Variants in ABHD3 observed in about 807,000 individuals in gnomAD.
ABHD3 encodes the protein phospholipase ABHD3.
Under a neutral mutation model 48.8 loss-of-function variants are expected in ABHD3, and 46 were observed. The observed-to-expected ratio is 0.94, with a 90% CI of 0.74 to 1.20. The LOEUF is 1.20. Among genes scored for constraint, ABHD3 ranks in the 50% most tolerant of loss-of-function variants. ABHD3 has a pLI of 0.00. For synonymous variants in ABHD3, 192 were observed against 183.7 expected, an observed-to-expected ratio of 1.04 and a Z score of -0.36; for missense variants, 490 against 497.8, an observed-to-expected ratio of 0.98 and a Z score of 0.15.
rs538271674 is a variant in ABHD3 at position 21,657,244 on chromosome 18, C to T, written c.843-92G>A. 4.3e-6 allele frequency: 5 copies of T among 1,149,564 alleles called. No individual in the cohort carries two copies. The African/African-American group carries it at 7.9e-5, about 18-fold the overall frequency. The allele number at this position is 1,149,564 out of a possible 1,614,324, so 71.2% of individuals were successfully genotyped here. A position where few individuals can be genotyped will look rare whatever the true frequency, so the allele number is the denominator to read the frequency against. On this transcript the variant is annotated intron_variant, in intron 6 of 8. Coordinates refer to ENST00000289119, the MANE Select transcript of ABHD3 (RefSeq NM_138340.5). ...AAAAACAAATTACTAAACAGCCTACCACAGGGCACAAAGTTGGCACTCAAT... is the reference window on the plus strand; with the variant it reads ...AAAAACAAATTACTAAACAGCCTACTACAGGGCACAAAGTTGGCACTCAAT...
intron 3 of ABHD3, among the ~76,000 whole-genome samples, chr18:21,696,799 G>A (rs569566077): frequency 1.3e-5 from 2 of 151,882 alleles, no homozygotes; most frequent in African/African-American, 4.8e-5. Context: ...AAACTCTTGG[G>A]CTCAAGCAAT....
chr18:21,661,518 C>A (rs2510529), intron 5 of ABHD3, among the ~76,000 whole-genome samples: 19 of 151,926 alleles, frequency 1.3e-4, no homozygotes, highest in Non-Finnish European at 2.6e-4. Flanking sequence ...GTAATCCTAG[C>A]TACTCGTGAG....
In ABHD3 at chr18:21,659,194, G is replaced by C. The variant is rs751378102; in HGVS notation, c.818C>G (p.Thr273Ser). The change falls in exon 6 of 9, where the codon ACC (threonine) becomes AGC (serine). Residue 273 changes from threonine to serine, a missense_variant. Coordinates refer to ENST00000289119, the MANE Select transcript of ABHD3 (RefSeq NM_138340.5). The stretch of plus-strand genomic sequence containing the variant: ...CTTATTAACTGAAGACTGAAGGCAG[G>C]TTGTCAAATAGTAATTAAAAAGTAG... ...NWLLFNYYLT[T>S]CLQSSVNKHR... The C allele has an allele frequency of 6.2e-7, 1 of 1,613,600 alleles. No individual in the cohort carries two copies. The highest frequency in any genetic ancestry group is 8.5e-7 in the Non-Finnish European group (1 of 1,179,860).
At chr18:21,676,065 G>A (rs989056583) in intron 4 of ABHD3, among the ~76,000 whole-genome samples, 11 of 152,056 alleles carry the variant, frequency 7.2e-5, no homozygotes, top group African/African-American at 2.7e-4. Flanking sequence ...TCATGATCTC[G>A]CCTAAGCCTA....
At chr18:21,673,234 TAC>T (rs2039795050) in intron 4 of ABHD3, among the ~76,000 whole-genome samples, 1 of 152,138 alleles carries the variant, frequency 6.6e-6, no homozygotes, top group Non-Finnish European at 1.5e-5. Flanking sequence ...TAAAATAAAT[TAC>T]AGATACCTGG....
chr18:21,654,051 C>T (rs975303977), intron 8 of ABHD3, among the ~76,000 whole-genome samples: 2 of 151,336 alleles, frequency 1.3e-5, no homozygotes, highest in African/African-American at 4.9e-5. Flanking sequence ...GGGGTTTCAC[C>T]ATGTTGGTCA....
intron 4 of ABHD3, among the ~76,000 whole-genome samples, chr18:21,679,829 TTTATTTTTTA>T (rs2039967436): frequency 6.6e-6 from 1 of 151,288 alleles, no homozygotes; most frequent in Non-Finnish European, 1.5e-5. Context: ...CTGGCCTATT[TTTATTTTTTA>T]TTATTTTTTA....
intron 5 of ABHD3, among the ~76,000 whole-genome samples, chr18:21,660,675 C>A (rs2146285924): frequency 6.6e-6 from 1 of 152,134 alleles, no homozygotes; most frequent in African/African-American, 2.4e-5. Context: ...ATTCTTTTTT[C>A]CAGTTCAAAT....
At chr18:21,658,980 A>C (rs943434869) in intron 6 of ABHD3, among the ~76,000 whole-genome samples, 190 bp downstream of exon 6, 10 of 152,028 alleles carry the variant, frequency 6.6e-5, no homozygotes, top group Admixed American at 6.6e-4. Context: ...CTGGGACTAC[A>C]GGCACACATC....
At position 21,683,838 on chromosome 18, in the gene ABHD3, A is replaced by G; in HGVS notation, c.555+82T>C. On this transcript the variant is annotated intron_variant, in intron 4 of 8. Coordinates refer to ENST00000289119, the MANE Select transcript of ABHD3 (RefSeq NM_138340.5). The stretch of plus-strand genomic sequence containing the variant: ...TGCTTACATAAACAGAGTTATTTTA[A>G]ATAAAAAGAATATGCTTTTTGTTAT... 4 of 1,339,202 alleles carry G rather than the reference A, an allele frequency of 3.0e-6. No homozygotes were observed. In the South Asian group the frequency reaches 6.2e-5, roughly 21 times the overall value. 83.0% of individuals were successfully genotyped at this position (1,339,202 alleles called of 1,614,324 possible). A position where few individuals can be genotyped will look rare whatever the true frequency, so the allele number is the denominator to read the frequency against.
rs1198491999 is a variant in ABHD3 at position 21,695,952 on chromosome 18, A to G, written c.509+6364T>C. On this transcript the variant is annotated intron_variant, in intron 3 of 8. Transcript: ENST00000289119. ...TGACCTAGATTTCAATGAACTTACAACTGTATAATTCTGGATGGGTCATTC... is the reference window on the plus strand; with the variant it reads ...TGACCTAGATTTCAATGAACTTACAGCTGTATAATTCTGGATGGGTCATTC... Among the ~76,000 whole-genome samples, 4 of 152,288 alleles carry G rather than the reference A, an allele frequency of 2.6e-5. No individual in the cohort carries two copies. The East Asian group carries it at 5.8e-4, about 22-fold the overall frequency.
At chr18:21,677,976 T>C (rs559025405) in intron 4 of ABHD3, among the ~76,000 whole-genome samples, 33 of 152,022 alleles carry the variant, frequency 2.2e-4, no homozygotes, top group Non-Finnish European at 8.8e-5. Context: ...TTTTATTTTT[T>C]AGAGACAGGG....
chr18:21,690,564 T>C (rs566324888), intron 3 of ABHD3, among the ~76,000 whole-genome samples: 7 of 152,236 alleles, frequency 4.6e-5, no homozygotes, highest in African/African-American at 1.7e-4. Flanking sequence ...ATCATGCCAC[T>C]GCACTCCAGC....
At chr18:21,667,097 C>A (rs1377179360) in intron 4 of ABHD3, among the ~76,000 whole-genome samples, 6 of 98,126 alleles carry the variant, frequency 6.1e-5, no homozygotes, top group African/African-American at 1.7e-4. Context: ...TTTTTTGAGA[C>A]AAGTCTCGCT....
At chr18:21,666,965 A>C (rs1051998631) in intron 4 of ABHD3, among the ~76,000 whole-genome samples, 2 of 152,164 alleles carry the variant, frequency 1.3e-5, no homozygotes, top group African/African-American at 4.8e-5. Flanking sequence ...GAAAACATGG[A>C]AACTAGTTAT....
At chr18:21,663,808 C>T (rs952367620) in intron 5 of ABHD3, 20 of 1,531,478 alleles carry the variant, frequency 1.3e-5, no homozygotes, top group African/African-American at 2.7e-5. Context: ...GCTGGGAGTG[C>T]GTCAGGAATC....
rs1252455479 is a variant in ABHD3, at chr18:21,704,672, C to T, written c.-7G>A. 2 of 1,469,596 alleles carry T rather than the reference C, an allele frequency of 1.4e-6. No individual in the cohort carries two copies. Among genetic ancestry groups the T allele is most frequent in the Non-Finnish European group, 9.0e-7 (1 of 1,109,898 alleles). The allele number at this position is 1,469,596 out of a possible 1,614,324, so 91.0% of individuals were successfully genotyped here. ...CCATGGCCAGGCGCTGCATGGCCCC[C>T]GAGCGCGGCGCGCGGGTCCTGCGGC... On this transcript the variant is annotated 5_prime_UTR_variant, in exon 1 of 9. Transcript: ENST00000289119.
intron 4 of ABHD3, among the ~76,000 whole-genome samples, chr18:21,679,560 G>A (rs1298950514): frequency 1.3e-5 from 2 of 152,038 alleles, no homozygotes; most frequent in Non-Finnish European, 2.9e-5. Context: ...ACGGAGTCTC[G>A]CTCTGTCGCC....
chr18:21,694,094 CA>C (rs1156263824), intron 3 of ABHD3, among the ~76,000 whole-genome samples: 1 of 147,352 alleles, frequency 6.8e-6, no homozygotes, highest in Admixed American at 6.6e-5. Context: ...CTCAGGATCA[CA>C]TTTTTTTTTA....
Sources: gnomAD v4.1 joint callset for allele counts (sites outside exome capture counted in the v4.1 genomes callset) on GRCh38, gnomAD v4.1.1 for gene constraint, MANE v1.5 for transcripts, NCBI Gene and HGNC (gene_info 2026-07-23, HGNC 2026-07-21) for gene names.